The following TRAF3IP2 variants were observed in gnomAD, a reference collection of about 807,000 sequenced individuals.
The protein encoded by TRAF3IP2 is TRAF3 interacting protein 2, also known as E3 ubiquitin ligase TRAF3IP2.
In TRAF3IP2, 35 loss-of-function variants were observed where a neutral mutation model predicts 57.9. The observed-to-expected ratio is 0.60, with a 90% confidence interval of 0.46 to 0.80. TRAF3IP2 has a LOEUF of 0.80. TRAF3IP2 is among the 30% of genes least tolerant of loss of function. TRAF3IP2 has a pLI of 0.00. For missense variants in TRAF3IP2, 556 were observed against 706.4 expected (o/e 0.79, Z 2.41); for synonymous variants, 251 against 268.9 (o/e 0.93, Z 0.65).
chr6:111,563,789 G>A (rs1305166485), intron 7 of TRAF3IP2, among the ~76,000 whole-genome samples: 5 of 152,172 alleles, frequency 3.3e-5, no homozygotes, highest in Admixed American at 3.3e-4. Flanking sequence ...TGGCAGAGAG[G>A]GGATGTCAAT....
In TRAF3IP2 at chr6:111,586,067, T is replaced by C. The variant is rs567212086; in HGVS notation, c.829+5191A>G. Among the ~76,000 whole-genome samples the C allele has an allele frequency of 2.6e-5, 4 of 152,310 alleles. No individual in the cohort carries two copies. The South Asian group carries it at 6.2e-4, about 24-fold the overall frequency. ...TTCAAGTTGTCAAAAAAAATCGTGATATAATGCAATCAGTTTAGCCAGGAA... is the reference window on the plus strand; with the variant it reads ...TTCAAGTTGTCAAAAAAAATCGTGACATAATGCAATCAGTTTAGCCAGGAA... On this transcript the variant is annotated intron_variant, in intron 2 of 8. Coordinates refer to ENST00000368761, the MANE Select transcript of TRAF3IP2 (RefSeq NM_147686.4).
At chr6:111,585,933 T>A (rs1486117759) in intron 2 of TRAF3IP2, among the ~76,000 whole-genome samples, 1 of 152,224 alleles carries the variant, frequency 6.6e-6, no homozygotes, top group Non-Finnish European at 1.5e-5. Flanking sequence ...ATTTGGAATA[T>A]GTAAACCAAA....
At chr6:111,560,532 A>G (rs939073923) in intron 8 of TRAF3IP2, among the ~76,000 whole-genome samples, 1 of 152,252 alleles carries the variant, frequency 6.6e-6, no homozygotes, top group East Asian at 1.9e-4. Flanking sequence ...CATGGCAGGC[A>G]TCATACTGAG....
intron 3 of TRAF3IP2, among the ~76,000 whole-genome samples, chr6:111,578,955 T>A (rs1248785917): frequency 6.6e-6 from 1 of 152,198 alleles, no homozygotes; most frequent in East Asian, 1.9e-4. Flanking sequence ...ATGAGGAAGC[T>A]CCATTTACAT....
chr6:111,576,343 T>C (rs1795985461), intron 3 of TRAF3IP2: 1 of 152,438 alleles, frequency 6.6e-6, no homozygotes, highest in Admixed American at 6.5e-5. Context: ...GATAGCATCT[T>C]TATTATTTTC....
intron 2 of TRAF3IP2, chr6:111,586,875 C>A (rs918747037): frequency 1.3e-5 from 2 of 152,162 alleles, no homozygotes; most frequent in Non-Finnish European, 2.9e-5. Context: ...CAGAACTGGG[C>A]TACAGGATGC....
intron 2 of TRAF3IP2, 54 bp from the exon 3 acceptor site, chr6:111,580,443 G>A: frequency 6.8e-7 from 1 of 1,469,710 alleles, no homozygotes; most frequent in Admixed American, 2.4e-5. Flanking sequence ...GCTCCTTCGT[G>A]TGAAAGGAGT....
At chr6:111,564,581 G>GT (rs1200168064) in intron 7 of TRAF3IP2, among the ~76,000 whole-genome samples, 1 of 152,180 alleles carries the variant, frequency 6.6e-6, no homozygotes, top group African/African-American at 2.4e-5. Context: ...AGTTCTTGTT[G>GT]TTCCAGGGTT....
At chr6:111,582,039 T>C (rs1796182031) in intron 2 of TRAF3IP2, among the ~76,000 whole-genome samples, 1 of 152,190 alleles carries the variant, frequency 6.6e-6, no homozygotes, top group African/African-American at 2.4e-5. Flanking sequence ...ATCTACGTTT[T>C]CAAAGGAACA....
chr6:111,600,624 C>T (rs1796834312), intron 1 of TRAF3IP2: 1 of 152,210 alleles, frequency 6.6e-6, no homozygotes, highest in Non-Finnish European at 1.5e-5. Context: ...TCATATTCTG[C>T]TCCTTTTTTA....
At chr6:111,584,130 G>A (rs1796257214) in intron 2 of TRAF3IP2, among the ~76,000 whole-genome samples, 1 of 152,174 alleles carries the variant, frequency 6.6e-6, no homozygotes, top group Middle Eastern at 3.2e-3. Context: ...GGATGTTGGT[G>A]CTGTTAATCA....
intron 5 of TRAF3IP2, among the ~76,000 whole-genome samples, chr6:111,571,373 T>C (rs1795826587): frequency 6.6e-6 from 1 of 152,044 alleles, no homozygotes; most frequent in Non-Finnish European, 1.5e-5. Context: ...CCACTGCGCC[T>C]GGCCATAGTT....
At chr6:111,569,498 T>C (rs1795760674) in intron 5 of TRAF3IP2, among the ~76,000 whole-genome samples, 1 of 152,166 alleles carries the variant, frequency 6.6e-6, no homozygotes, top group Non-Finnish European at 1.5e-5. Context: ...ACGCCTGTAA[T>C]CCCAGCACTT....
chr6:111,585,915 C>A (rs1562430532), intron 2 of TRAF3IP2, among the ~76,000 whole-genome samples: 1 of 152,154 alleles, frequency 6.6e-6, no homozygotes, highest in African/African-American at 2.4e-5. Context: ...TGTTACTGAG[C>A]TTTTACCATT....
intron 1 of TRAF3IP2, among the ~76,000 whole-genome samples, chr6:111,595,578 C>T (rs147678770): frequency 3.9e-3 from 601 of 152,250 alleles, no homozygotes; most frequent in Non-Finnish European, 6.4e-3. Context: ...GCCTGTAATC[C>T]CAGCACTTTG....
intron 3 of TRAF3IP2, among the ~76,000 whole-genome samples, chr6:111,579,388 T>C (rs760920681): frequency 2.0e-5 from 3 of 146,490 alleles, no homozygotes; most frequent in African/African-American, 7.6e-5. Flanking sequence ...GAGTTAAGCA[T>C]AGGAGAGACC....
intron 2 of TRAF3IP2, among the ~76,000 whole-genome samples, chr6:111,585,334 CA>C (rs66486925): frequency 2.7e-4 from 40 of 146,454 alleles, no homozygotes; most frequent in East Asian, 1.6e-3. Flanking sequence ...CCTCCCAGGC[CA>C]AAAAAAAAAA....
intron 1 of TRAF3IP2, among the ~76,000 whole-genome samples, chr6:111,597,315 G>A (rs1796722449): frequency 6.6e-6 from 1 of 152,142 alleles, no homozygotes; most frequent in South Asian, 2.1e-4. Context: ...CCAGTGTAAT[G>A]GGAGCATCTG....
chr6:111,591,915 C>G lies in TRAF3IP2; in HGVS notation c.172G>C (p.Gly58Arg). The change falls in exon 2 of 9, where the codon GGA becomes CGA. Residue 58 changes from glycine to arginine, a missense_variant. Coordinates refer to ENST00000368761, the MANE Select transcript of TRAF3IP2 (RefSeq NM_147686.4). This position sits in a 1 kb window ranked among gnomAD's most constrained non-coding sequence, Gnocchi z 4.9. The part of the protein sequence containing the change: ...SAPTMLHNSS[G>R]DFSQAHSTLK... ...GTTGAGTGAGCTTGAGAAAAGTCTC[C>G]GGAGGAATTGTGAAGCATTGTGGGT... 6.2e-7 allele frequency: 1 copy of G among 1,614,208 alleles called. No individual in the cohort carries two copies. The highest frequency in any genetic ancestry group is 8.5e-7 in the Non-Finnish European group (1 of 1,180,038).
Sources: allele counts gnomAD v4.1 joint callset (sites outside exome capture counted in the v4.1 genomes callset), GRCh38; gene constraint gnomAD v4.1.1; non-coding constraint Gnocchi (gnomAD v3.1); transcripts MANE v1.5; gene names NCBI Gene and HGNC (gene_info 2026-07-23, HGNC 2026-07-21).